FRMD8: variants seen among roughly 807,000 people sequenced by gnomAD.
FRMD8 encodes FERM domain containing 8, also known as FERM domain-containing protein 8.
A neutral mutation model predicts 54.2 loss-of-function variants in FRMD8; 37 were observed. The ratio of observed to expected loss-of-function variants is 0.68; its 90% CI spans 0.53 to 0.90. The LOEUF (loss-of-function observed/expected upper bound fraction) is 0.90, where lower values mean the gene tolerates loss of function less well. FRMD8 is among the 40% of genes least tolerant of loss of function. The pLI, the probability that FRMD8 is intolerant of heterozygous loss-of-function variation, is 0.00. For synonymous variants in FRMD8, 246 were observed against 286.9 expected (o/e 0.86, Z 1.44); for missense variants, 585 against 653.7 (o/e 0.89, Z 1.15).
the FRMD8 span, chr11:65,379,831 GA>G: frequency 4.3e-6 from 7 of 1,611,286 alleles, no homozygotes; most frequent in Non-Finnish European, 5.9e-6. Context: ...ATGCCTCCCC[GA>G]AAGGGGAAGG....
intron 9 of FRMD8, among the ~76,000 whole-genome samples, chr11:65,401,625 C>G (rs1425638397): frequency 6.0e-5 from 9 of 150,398 alleles, no homozygotes; most frequent in Admixed American, 6.0e-4. Flanking sequence ...CTCTGCTTTG[C>G]CACAGGAGGG....
intron 6 of FRMD8, 45 bp from the exon 7 acceptor site, chr11:65,396,754 G>C: frequency 1.5e-6 from 2 of 1,316,674 alleles, no homozygotes; most frequent in Non-Finnish European, 2.0e-6. Flanking sequence ...CGTGAGCCTG[G>C]CACCTCTGGT....
chr11:65,401,063 T>G (rs567728388), intron 9 of FRMD8, among the ~76,000 whole-genome samples, 196 bp downstream of exon 9: 91 of 152,186 alleles, frequency 6.0e-4, no homozygotes, highest in Non-Finnish European at 7.6e-4. Context: ...GGAGGCCTGG[T>G]CTGCAGACTC....
chr11:65,389,639 TG>T, intron 3 of FRMD8, 111 bp downstream of exon 3: 2 of 1,110,076 alleles, frequency 1.8e-6, no homozygotes, highest in South Asian at 1.6e-5. Context: ...CCACTGCCCA[TG>T]GGGAAAGGTG....
the FRMD8 span, chr11:65,379,391 G>A: frequency 9.3e-6 from 15 of 1,610,346 alleles, no homozygotes; most frequent in African/African-American, 1.3e-5. Flanking sequence ...GGAACCCCCC[G>A]GTGCAGCCCG....
chr11:65,404,846 C>G lies in FRMD8; in HGVS notation c.1072-18C>G. 1 of 1,602,390 alleles carries G rather than the reference C, an allele frequency of 6.2e-7. No individual in the cohort carries two copies. Among genetic ancestry groups the G allele is most frequent in the Non-Finnish European group, 8.5e-7 (1 of 1,171,710 alleles). On this transcript the variant is annotated intron_variant, in intron 9 of 10. Coordinates refer to ENST00000317568, the MANE Select transcript of FRMD8 (RefSeq NM_031904.5). This position sits in a 1 kb window ranked among gnomAD's most constrained non-coding sequence, Gnocchi z 4.7. ...AAGGGGGCCCTGGCCAGGCCTCACA[C>G]TGCCCCCTCCTCCCCAGGCCGAACT...
chr11:65,371,807 C>T, the FRMD8 span, among the ~76,000 whole-genome samples: 1 of 151,720 alleles, frequency 6.6e-6, no homozygotes, highest in African/African-American at 2.4e-5. Flanking sequence ...GTAGAGACGG[C>T]GTTTCACTGT....
chr11:65,379,474 G>C, the FRMD8 span: 2 of 1,614,108 alleles, frequency 1.2e-6, no homozygotes, highest in Non-Finnish European at 1.7e-6. Flanking sequence ...AGCACCAGCA[G>C]GGTGTTGCTA....
In FRMD8 at chr11:65,412,527, T is replaced by C. The variant is rs972563885; in HGVS notation, c.*1167T>C. 7 of 152,382 alleles carry C rather than the reference T, an allele frequency of 4.6e-5. No homozygotes were observed. Among genetic ancestry groups the C allele is most frequent in the African/African-American group, 1.4e-4 (6 of 41,580 alleles). The allele number at this position is 152,382 out of a possible 1,614,324, so 9.4% of individuals were successfully genotyped here. A position where few individuals can be genotyped will look rare whatever the true frequency, so the allele number is the denominator to read the frequency against. ...CCTCCGGGGAGCAGGGGCTCTGTCT[T>C]GTCCCAGATGAGCTGAGAGCCCCTG... On this transcript the variant is annotated 3_prime_UTR_variant, in exon 11 of 11. Transcript: ENST00000317568.
the FRMD8 span, chr11:65,379,104 G>T: frequency 1.1e-5 from 5 of 462,246 alleles, no homozygotes; most frequent in East Asian, 2.2e-4. Context: ...CTGGAGGGGG[G>T]CAAGCCCCGT....
At chr11:65,380,619 A>G in the FRMD8 span, 3 of 1,292,442 alleles carry the variant, frequency 2.3e-6, no homozygotes, top group South Asian at 3.7e-5. Context: ...CTGGCCACGC[A>G]GAACTGCAGG....
the FRMD8 span, chr11:65,379,088 A>T: frequency 2.4e-6 from 1 of 425,068 alleles, no homozygotes; most frequent in Non-Finnish European, 4.3e-6. Flanking sequence ...AGGCTGGCAG[A>T]CCCCTCTGGA....
At chr11:65,371,276 T>C in the FRMD8 span, among the ~76,000 whole-genome samples, 1 of 152,052 alleles carries the variant, frequency 6.6e-6, no homozygotes, top group Non-Finnish European at 1.5e-5. Flanking sequence ...TGGAGTGTGG[T>C]GGGGAAAGCC....
chr11:65,393,516 G>A (rs1855882538), intron 3 of FRMD8, 57 bp from the exon 4 acceptor site: 2 of 1,303,410 alleles, frequency 1.5e-6, no homozygotes, highest in Non-Finnish European at 2.2e-6. Flanking sequence ...ATAGGTGGAA[G>A]GGCAGCCACT....
intron 10 of FRMD8, among the ~76,000 whole-genome samples, chr11:65,409,240 C>T (rs997457627): frequency 5.9e-5 from 9 of 152,188 alleles, no homozygotes; most frequent in African/African-American, 2.2e-4. Context: ...GCGCCCACCA[C>T]CATGCCCGAT....
chr11:65,399,029 G>T (rs1856014092), intron 7 of FRMD8, among the ~76,000 whole-genome samples: 2 of 136,020 alleles, frequency 1.5e-5, no homozygotes, highest in South Asian at 2.2e-4. Context: ...ATGGAGTCTC[G>T]CTCTGTTGCC....
chr11:65,403,444 A>G (rs1236084799), intron 9 of FRMD8, among the ~76,000 whole-genome samples: 3 of 152,124 alleles, frequency 2.0e-5, no homozygotes, highest in African/African-American at 7.2e-5. Context: ...CGGCCTCCCA[A>G]AGTGTTGGGA....
chr11:65,403,842 C>G (rs758085188), intron 9 of FRMD8, among the ~76,000 whole-genome samples: 9 of 152,212 alleles, frequency 5.9e-5, no homozygotes, highest in Non-Finnish European at 1.0e-4. Context: ...TGTTGCTGTG[C>G]AGGAGTTTTT....
chr11:65,397,413 A>G (rs1855981249), intron 7 of FRMD8, among the ~76,000 whole-genome samples: 1 of 152,210 alleles, frequency 6.6e-6, no homozygotes, highest in Admixed American at 6.5e-5. Context: ...GATGAAGCTG[A>G]TGTTCTAGTG....
Sources: gnomAD v4.1 joint callset for allele counts (sites outside exome capture counted in the v4.1 genomes callset) on GRCh38, gnomAD v4.1.1 for gene constraint, Gnocchi (gnomAD v3.1) non-coding constraint, MANE v1.5 for transcripts, NCBI Gene and HGNC (gene_info 2026-07-23, HGNC 2026-07-21) for gene names.